Variants in TRPM7 observed in about 807,000 individuals in gnomAD.
TRPM7 encodes transient receptor potential cation channel subfamily M member 7.
A neutral mutation model predicts 229.7 loss-of-function variants in TRPM7; 134 were observed. The observed-to-expected ratio is 0.58, with a 90% CI of 0.51 to 0.67. The LOEUF (loss-of-function observed/expected upper bound fraction) is 0.67. Ranked by LOEUF, TRPM7 falls within the 30% of genes least tolerant of loss-of-function variation. The pLI, the probability that TRPM7 is intolerant of heterozygous loss-of-function variation, is 0.00. For synonymous variants in TRPM7, 699 were observed against 715.2 expected (o/e 0.98, Z 0.36); for missense variants, 1,901 against 2,210.0 (o/e 0.86, Z 2.80).
intron 3 of TRPM7, among the ~76,000 whole-genome samples, chr15:50,653,173 G>A (rs550151340): frequency 5.3e-5 from 8 of 152,228 alleles, no homozygotes; most frequent in Admixed American, 3.3e-4. Context: ...AAAAAGAAAC[G>A]GACGTGGTGG....
Position 50,574,872 on chromosome 15 carries a change from C to A in TRPM7, c.4999G>T (p.Val1667Phe), listed in dbSNP as rs2054060503. ...TWSSIYKEDTVLHLCLREIQQ... is the reference protein window; with the variant it reads ...TWSSIYKEDTFLHLCLREIQQ... The stretch of plus-strand genomic sequence containing the variant: ...CTTACTCTCAGACAGAGATGCAGAA[C>A]TGTATCTTCTTTGTAAATACTTGAC... The change falls in exon 34 of 39, where the codon GTT (valine) becomes TTT (phenylalanine). Residue 1667 changes from valine (V) to phenylalanine (F), a missense_variant. Coordinates refer to ENST00000646667, the MANE Select transcript of TRPM7 (RefSeq NM_017672.6). The A allele has an allele frequency of 1.2e-6, 2 of 1,612,414 alleles. No homozygotes were observed. The highest frequency in any genetic ancestry group is 1.7e-6 in the Non-Finnish European group (2 of 1,178,880).
chr15:50,615,094 C>A (rs891833415), intron 13 of TRPM7, among the ~76,000 whole-genome samples: 2 of 137,850 alleles, frequency 1.5e-5, no homozygotes, highest in Non-Finnish European at 3.0e-5. Flanking sequence ...TGGCGGGAGG[C>A]AGAGGTTGCA....
At chr15:50,627,943 T>C (rs758520528) in intron 11 of TRPM7, among the ~76,000 whole-genome samples, 1 of 152,230 alleles carries the variant, frequency 6.6e-6, no homozygotes, top group Non-Finnish European at 1.5e-5. Context: ...CTTAGAGATC[T>C]ATATACTCTA....
At position 50,558,136 on chromosome 15, in the gene TRPM7, C is replaced by G. The variant is rs977934493; in HGVS notation, c.*3542G>C. The G allele has an allele frequency of 6.6e-6, 1 of 152,164 alleles. No homozygotes were observed. Among genetic ancestry groups the G allele is most frequent in the Non-Finnish European group, 1.5e-5 (1 of 68,038 alleles). The allele number at this position is 152,164 out of a possible 1,614,324, so 9.4% of individuals were successfully genotyped here. On this transcript the variant is annotated 3_prime_UTR_variant, in exon 39 of 39. Coordinates refer to ENST00000646667, the MANE Select transcript of TRPM7 (RefSeq NM_017672.6). ...TGGTTTACAAGTAAACTGTTACTTTCTAGACTTAACCCAAGAAGTTAATGG... is the reference window on the plus strand; with the variant it reads ...TGGTTTACAAGTAAACTGTTACTTTGTAGACTTAACCCAAGAAGTTAATGG...
intron 12 of TRPM7, among the ~76,000 whole-genome samples, chr15:50,621,900 G>A (rs903242069): frequency 6.6e-6 from 1 of 151,798 alleles, no homozygotes; most frequent in African/African-American, 2.4e-5. Flanking sequence ...CGTGGTGGTG[G>A]GCATCTATAA....
At chr15:50,659,751 T>G (rs889110332) in intron 2 of TRPM7, among the ~76,000 whole-genome samples, 11 of 152,162 alleles carry the variant, frequency 7.2e-5, no homozygotes, top group African/African-American at 2.4e-4. Flanking sequence ...CACTGCAACC[T>G]CCGTCTCCTG....
At chr15:50,572,217 T>C (rs554347810) in intron 36 of TRPM7, among the ~76,000 whole-genome samples, 4 of 152,286 alleles carry the variant, frequency 2.6e-5, no homozygotes, top group East Asian at 1.9e-4. Context: ...CCGAAGGAGT[T>C]TGAGGTTGCA....
intron 1 of TRPM7, among the ~76,000 whole-genome samples, chr15:50,672,546 C>A (rs1179906900): frequency 1.3e-5 from 2 of 151,976 alleles, no homozygotes; most frequent in African/African-American, 4.8e-5. Flanking sequence ...TAGGCCTAGG[C>A]TAACGTGTAT....
chr15:50,602,673 C>G (rs535777875), intron 21 of TRPM7, among the ~76,000 whole-genome samples: 1 of 152,282 alleles, frequency 6.6e-6, no homozygotes, highest in South Asian at 2.1e-4. Flanking sequence ...TGGACCATGT[C>G]TTATTCATCT....
chr15:50,656,081 A>T (rs920201878), intron 3 of TRPM7, among the ~76,000 whole-genome samples: 9 of 152,172 alleles, frequency 5.9e-5, no homozygotes, highest in South Asian at 2.1e-4. Context: ...ACATTCTTCA[A>T]ACATGAAAAT....
intron 26 of TRPM7, 145 bp from the exon 27 acceptor site, chr15:50,589,801 TGATAAATAAAA>T: frequency 2.0e-6 from 1 of 501,518 alleles, no homozygotes; most frequent in Middle Eastern, 3.0e-4. Flanking sequence ...TTAGCTCTTT[TGATAAATAAAA>T]TTGAAAATTG....
intron 1 of TRPM7, among the ~76,000 whole-genome samples, chr15:50,672,410 G>T (rs1051761891): frequency 2.0e-5 from 3 of 151,554 alleles, no homozygotes; most frequent in Non-Finnish European, 4.4e-5. Flanking sequence ...GGTCCTTCAG[G>T]AAGTATTCCA....
At chr15:50,570,386 T>TAA (rs2141474428) in intron 36 of TRPM7, among the ~76,000 whole-genome samples, 1 of 152,308 alleles carries the variant, frequency 6.6e-6, no homozygotes, top group Admixed American at 6.5e-5. Context: ...GAACAAGAGT[T>TAA]AAACGTCAGA....
At chr15:50,621,335 C>A (rs561630815) in intron 12 of TRPM7, among the ~76,000 whole-genome samples, 5 of 151,952 alleles carry the variant, frequency 3.3e-5, no homozygotes, top group Non-Finnish European at 7.4e-5. Context: ...TTTTCTCTAA[C>A]GGTATGTAAT....
At chr15:50,618,717 T>C (rs2140526879) in intron 13 of TRPM7, among the ~76,000 whole-genome samples, 1 of 152,302 alleles carries the variant, frequency 6.6e-6, no homozygotes, top group Non-Finnish European at 1.5e-5. Flanking sequence ...GTGTACCTAT[T>C]ATCTGAACAG....
At chr15:50,581,028 A>C in intron 29 of TRPM7, 120 bp from the exon 30 acceptor site, 1 of 814,990 alleles carries the variant, frequency 1.2e-6, no homozygotes, top group Non-Finnish European at 1.9e-6. Flanking sequence ...AAACTAACAT[A>C]CAGTTCTTGT....
At chr15:50,653,856 G>A (rs909356657) in intron 3 of TRPM7, among the ~76,000 whole-genome samples, 1 of 152,174 alleles carries the variant, frequency 6.6e-6, no homozygotes, top group African/African-American at 2.4e-5. Context: ...ATCACTTGCT[G>A]TGTGTGGGTC....
intron 17 of TRPM7, among the ~76,000 whole-genome samples, chr15:50,610,472 G>A (rs972167867): frequency 6.6e-6 from 1 of 152,044 alleles, no homozygotes; most frequent in Non-Finnish European, 1.5e-5. Flanking sequence ...TGTGTAACAG[G>A]TTTTCTGTTG....
rs534715598 is a variant in TRPM7 at position 50,593,873 on chromosome 15, T to C, written c.3476-124A>G. On this transcript the variant is annotated intron_variant, in intron 24 of 38. Transcript: ENST00000646667. ...TCCATCATCTGCACTTTTTAAACTT[T>C]TACTACTATGCTTCTAAAGCACTAG... 72 of 907,030 alleles carry C rather than the reference T, an allele frequency of 7.9e-5. 2 individuals are homozygous for C. The South Asian group carries it at 9.0e-4, about 11-fold the overall frequency. 56.2% of individuals were successfully genotyped at this position (907,030 alleles called of 1,614,324 possible). A position where few individuals can be genotyped will look rare whatever the true frequency, so the allele number is the denominator to read the frequency against.
Sources: allele counts gnomAD v4.1 joint callset (sites outside exome capture counted in the v4.1 genomes callset), GRCh38; gene constraint gnomAD v4.1.1; transcripts MANE v1.5; gene names NCBI Gene and HGNC (gene_info 2026-07-23, HGNC 2026-07-21).